Variants in ARMH3 observed in about 807,000 individuals in gnomAD.
The protein encoded by ARMH3 is armadillo like helical domain containing 3, also known as armadillo-like helical domain-containing protein 3.
Under a neutral mutation model 99.1 loss-of-function variants are expected in ARMH3, and 60 were observed. The observed-to-expected ratio is 0.61, with a 90% CI of 0.49 to 0.75. The LOEUF is 0.75. ARMH3 is among the 30% of genes least tolerant of loss of function. The probability of loss-of-function intolerance (pLI) is 0.00; values close to 1 mark genes in which losing one functional copy is unlikely to be tolerated. For synonymous variants in ARMH3, 285 were observed against 292.8 expected (o/e 0.97, Z 0.27); for missense variants, 679 against 843.1 (o/e 0.81, Z 2.41).
intron 20 of ARMH3, among the ~76,000 whole-genome samples, chr10:101,962,197 A>T (rs190245222): frequency 2.0e-5 from 3 of 152,342 alleles, no homozygotes; most frequent in African/African-American, 7.2e-5. Context: ...CTTTTGGGTA[A>T]GGGCAAGCTT....
intron 8 of ARMH3, among the ~76,000 whole-genome samples, chr10:102,018,599 A>G (rs915381681): frequency 1.3e-5 from 2 of 152,162 alleles, no homozygotes; most frequent in South Asian, 2.1e-4. Flanking sequence ...CATTACTCAC[A>G]TATTTCTGGT....
At chr10:101,864,071 A>ACC (rs1306631755) in intron 24 of ARMH3, among the ~76,000 whole-genome samples, 66 of 140,786 alleles carry the variant, frequency 4.7e-4, no homozygotes, top group Non-Finnish European at 4.6e-4. Flanking sequence ...AAAAAAAAAA[A>ACC]AAAAAAAACA....
intron 1 of ARMH3, among the ~76,000 whole-genome samples, chr10:102,040,933 T>C (rs1305439031): frequency 6.6e-6 from 1 of 151,808 alleles, no homozygotes; most frequent in Non-Finnish European, 1.5e-5. Flanking sequence ...TACTGCCTCA[T>C]AAATCACACT....
In ARMH3 at chr10:101,966,285, GTTTTT is replaced by G. The variant is rs34196495; in HGVS notation, c.1496-8558_1496-8554del. ...CACACCTGGCTAATTTTTGGTTTGG[GTTTTT>G]TTTTTTTTTTTTTTTTTTTTTTTTG... On this transcript the variant is annotated intron_variant, in intron 20 of 25. Transcript: ENST00000370033. 2.3e-3 allele frequency among the ~76,000 whole-genome samples: 185 copies of G among 80,620 alleles called. 5 individuals carry two copies. The East Asian group carries it at 0.05, about 22-fold the overall frequency. 52.9% of individuals were successfully genotyped at this position (80,620 alleles called of 152,430 possible). A position where few individuals can be genotyped will look rare whatever the true frequency, so the allele number is the denominator to read the frequency against.
chr10:102,053,611 T>C (rs1431943836), intron 1 of ARMH3, among the ~76,000 whole-genome samples: 1 of 152,086 alleles, frequency 6.6e-6, no homozygotes, highest in Non-Finnish European at 1.5e-5. Flanking sequence ...CCTGCAAAGA[T>C]TTCCCTGACT....
intron 23 of ARMH3, among the ~76,000 whole-genome samples, chr10:101,920,239 A>C (rs1843252886): frequency 6.6e-6 from 1 of 152,198 alleles, no homozygotes; most frequent in African/African-American, 2.4e-5. Context: ...AGTGATGCTC[A>C]AAATGCACTA....
rs1402531151 is a variant in ARMH3, at chr10:101,847,426, T to C, written c.*102A>G. On this transcript the variant is annotated 3_prime_UTR_variant, in exon 26 of 26. Coordinates refer to ENST00000370033, the MANE Select transcript of ARMH3 (RefSeq NM_024541.3). ...CACCAAGAGAACTTGGTATCTGTGT[T>C]TCTCTCCAACCTCGGGGGCAGCCCC... The C allele has an allele frequency of 1.7e-6, 2 of 1,204,930 alleles. No homozygotes were observed. Among genetic ancestry groups the C allele is most frequent in the Non-Finnish European group, 2.4e-6 (2 of 819,276 alleles). 74.6% of individuals were successfully genotyped at this position (1,204,930 alleles called of 1,614,324 possible).
Position 102,040,911 on chromosome 10 carries a change from G to A in ARMH3, c.-11-786C>T, listed in dbSNP as rs2067395474. ...GTAAGTAGGTCCTCGTCACTGCAAA[G>A]TACTTGGCCTTTACTGCCTCATAAA... is the stretch of plus-strand genomic sequence containing the variant. On this transcript the variant is annotated intron_variant, in intron 1 of 25. Coordinates refer to ENST00000370033, the MANE Select transcript of ARMH3 (RefSeq NM_024541.3). 1.3e-5 allele frequency among the ~76,000 whole-genome samples: 2 copies of A among 151,856 alleles called. 1 individual carries two copies. Among genetic ancestry groups the A allele is most frequent in the Admixed American group, 1.3e-4 (2 of 15,220 alleles).
At chr10:101,944,747 G>C (rs1054635464) in intron 22 of ARMH3, among the ~76,000 whole-genome samples, 1 of 152,070 alleles carries the variant, frequency 6.6e-6, no homozygotes, top group Non-Finnish European at 1.5e-5. Flanking sequence ...CCGGGAGACA[G>C]AGGTTGCAGT....
At chr10:102,007,633 A>G (rs1328125569) in intron 13 of ARMH3, among the ~76,000 whole-genome samples, 1 of 146,704 alleles carries the variant, frequency 6.8e-6, no homozygotes, top group African/African-American at 2.5e-5. Flanking sequence ...ATCCTGGCTA[A>G]CACAGTGAAA....
intron 1 of ARMH3, among the ~76,000 whole-genome samples, chr10:102,053,728 C>A (rs1328518483): frequency 6.6e-6 from 1 of 151,726 alleles, no homozygotes; most frequent in East Asian, 1.9e-4. Context: ...GGCACCATCC[C>A]GGCTCACTGC....
At chr10:101,959,213 T>C (rs2135822718) in intron 20 of ARMH3, among the ~76,000 whole-genome samples, 1 of 152,172 alleles carries the variant, frequency 6.6e-6, no homozygotes, top group East Asian at 1.9e-4. Context: ...GCTTAGCTCC[T>C]ACCAGGAGCA....
At chr10:102,016,419 G>A (rs1406563699) in intron 8 of ARMH3, among the ~76,000 whole-genome samples, 2 of 152,164 alleles carry the variant, frequency 1.3e-5, no homozygotes, top group Non-Finnish European at 2.9e-5. Flanking sequence ...CAAATCCTTA[G>A]CACAATACCT....
chr10:101,973,300 T>G (rs1845850000), intron 20 of ARMH3, among the ~76,000 whole-genome samples: 3 of 144,924 alleles, frequency 2.1e-5, no homozygotes, highest in South Asian at 4.3e-4. Flanking sequence ...AGGCGGAGCT[T>G]GCAGTGAACC....
chr10:101,872,818 T>G (rs1291468066), intron 24 of ARMH3, among the ~76,000 whole-genome samples: 3 of 150,704 alleles, frequency 2.0e-5, no homozygotes, highest in Non-Finnish European at 4.4e-5. Flanking sequence ...ATTAGCCAGG[T>G]GGGGTGGTAG....
intron 23 of ARMH3, among the ~76,000 whole-genome samples, chr10:101,890,803 A>C (rs2067671005): frequency 6.6e-6 from 1 of 152,122 alleles, no homozygotes; most frequent in Non-Finnish European, 1.5e-5. Context: ...TGAGAAGGGC[A>C]CTTAATATCT....
In ARMH3 at chr10:102,051,474, G is replaced by GAAA. The variant is rs771899987; in HGVS notation, c.-12+4608_-12+4610dup. On this transcript the variant is annotated intron_variant, in intron 1 of 25. Transcript: ENST00000370033. ...GGCAACAGAGGGAGACTCCATTTCG[G>GAAA]AAAAAAAAAAAAAAGAAAAAGAAAA... is the stretch of plus-strand genomic sequence containing the variant. Among the ~76,000 whole-genome samples, 273 of 129,670 alleles carry GAAA rather than the reference G, an allele frequency of 2.1e-3. 2 individuals carry two copies. The highest frequency in any genetic ancestry group is 7.3e-3 in the African/African-American group (258 of 35,248). 85.1% of individuals were successfully genotyped at this position (129,670 alleles called of 152,430 possible). A position where few individuals can be genotyped will look rare whatever the true frequency, so the allele number is the denominator to read the frequency against.
intron 24 of ARMH3, among the ~76,000 whole-genome samples, chr10:101,867,087 T>C (rs575309036): frequency 2.0e-5 from 3 of 152,356 alleles, no homozygotes; most frequent in African/African-American, 7.2e-5. Flanking sequence ...GGGTTTATGA[T>C]GAGGAGTGCC....
In ARMH3 at chr10:102,033,424, CTTTTT is replaced by C. The variant is rs370808918; in HGVS notation, c.103-90_103-86del. ...ACTATACATAGTCAACCTTAGTTTT[CTTTTT>C]TTTTTTTTGAGATGGAATCTCGCTG... On this transcript the variant is annotated intron_variant, in intron 2 of 25. Coordinates refer to ENST00000370033, the MANE Select transcript of ARMH3 (RefSeq NM_024541.3). 5.4e-4 allele frequency: 591 copies of C among 1,090,722 alleles called. 6 individuals are homozygous for C. The East Asian group carries it at 0.016, about 30-fold the overall frequency. 67.6% of individuals were successfully genotyped at this position (1,090,722 alleles called of 1,614,324 possible).
Sources: gnomAD v4.1 joint callset for allele counts (sites outside exome capture counted in the v4.1 genomes callset) on GRCh38, gnomAD v4.1.1 for gene constraint, MANE v1.5 for transcripts, NCBI Gene and HGNC (gene_info 2026-07-23, HGNC 2026-07-21) for gene names.